BBX: variants seen among roughly 807,000 people sequenced by gnomAD.
The protein encoded by BBX is BBX high mobility group box domain containing, also known as HMG box transcription factor BBX.
In BBX, 30 loss-of-function variants were observed where a neutral mutation model predicts 100.2. That is an observed-to-expected ratio of 0.30 (90% CI 0.22 to 0.41). The LOEUF is 0.41. Among genes scored for constraint, BBX ranks in the 10% least tolerant of loss-of-function variants. BBX has a pLI of 1.00. For missense variants in BBX, 1,023 were observed against 1,129.8 expected (o/e 0.91, Z 1.35); for synonymous variants, 376 against 388.1 (o/e 0.97, Z 0.37).
In BBX at chr3:107,742,082, A is replaced by G. The variant is rs1337364140; in HGVS notation, c.670-2548A>G. ...TTTCTGCCTTCTTAATAAATGATAT[A>G]TTTTACAATTTTTCTTACGTTGACA... On this transcript the variant is annotated intron_variant, in intron 7 of 17. Transcript: ENST00000325805. Among the ~76,000 whole-genome samples, 5 of 152,170 alleles carry G rather than the reference A, an allele frequency of 3.3e-5. No individual in the cohort carries two copies. In the South Asian group the frequency reaches 8.3e-4, roughly 25 times the overall value.
At chr3:107,700,659 A>G (rs982282706) in intron 3 of BBX, among the ~76,000 whole-genome samples, 82 of 132,792 alleles carry the variant, frequency 6.2e-4, no homozygotes, top group Non-Finnish European at 2.7e-4. Context: ...TCATTGTTCA[A>G]TTCCCACCTA....
At chr3:107,579,511 A>G (rs2052093269) in intron 2 of BBX, among the ~76,000 whole-genome samples, 1 of 152,196 alleles carries the variant, frequency 6.6e-6, no homozygotes, top group African/African-American at 2.4e-5. Flanking sequence ...GAAGGGTCTA[A>G]TCTGTCTCCT....
At chr3:107,765,532 A>T (rs2066319833) in intron 10 of BBX, among the ~76,000 whole-genome samples, 1 of 151,896 alleles carries the variant, frequency 6.6e-6, no homozygotes, top group South Asian at 2.1e-4. Context: ...CACTGGTCTG[A>T]AACTCCTGTC....
intron 10 of BBX, among the ~76,000 whole-genome samples, chr3:107,772,417 G>T (rs772952038): frequency 6.6e-6 from 1 of 152,174 alleles, no homozygotes; most frequent in Non-Finnish European, 1.5e-5. Context: ...TCAGAGATAC[G>T]TTTGACGAGT....
chr3:107,591,281 C>T lies in BBX; in HGVS notation c.-83-54555C>T, dbSNP rs2053287319. 3.3e-5 allele frequency among the ~76,000 whole-genome samples: 5 copies of T among 152,034 alleles called. No homozygotes were observed. In the South Asian group the frequency reaches 1.0e-3, roughly 32 times the overall value. ...AAACTTAGATAAGTTTTCCAATAAG[C>T]TCCTTAACATTCTTCATTTTTCATA... is the stretch of plus-strand genomic sequence containing the variant. On this transcript the variant is annotated intron_variant, in intron 2 of 17. Transcript: ENST00000325805.
chr3:107,767,196 A>G lies in BBX; in HGVS notation c.907-5432A>G, dbSNP rs189389972. ...GCATATGTATCCCATAACTTAAAGT[A>G]TAAAATACATATGTATTTCCTTTCC... On this transcript the variant is annotated intron_variant, in intron 10 of 17. Transcript: ENST00000325805. 5.3e-4 allele frequency among the ~76,000 whole-genome samples: 80 copies of G among 152,350 alleles called. 2 individuals carry two copies. The highest frequency in any genetic ancestry group is 1.9e-3 in the African/African-American group (79 of 41,582).
chr3:107,728,842 A>C lies in BBX; in HGVS notation c.483A>C (p.Thr161=). 1 of 1,613,872 alleles carries C rather than the reference A, an allele frequency of 6.2e-7. No individual in the cohort carries two copies. Among genetic ancestry groups the C allele is most frequent in the African/African-American group, 1.3e-5 (1 of 75,004 alleles). The change falls in exon 6 of 18, where the codon ACA becomes ACC. Residue 161 remains threonine, a synonymous_variant. Coordinates refer to ENST00000325805, the MANE Select transcript of BBX (RefSeq NM_001142568.3). ...CAAACAAGCCTGTGAAATCCCCAAC[A>C]CCCACTGTCAATCCACGAAAGAAAC... ...PTTNKPVKSP[T]PTVNPRKKLW... is the part of the protein sequence containing the mutation.
intron 3 of BBX, among the ~76,000 whole-genome samples, chr3:107,696,470 T>C (rs1185084784): frequency 2.6e-5 from 4 of 151,028 alleles, no homozygotes; most frequent in East Asian, 3.9e-4. Flanking sequence ...TTAGTTTGGC[T>C]GGATATGAAA....
intron 2 of BBX, among the ~76,000 whole-genome samples, chr3:107,628,804 T>C (rs1308048973): frequency 2.0e-5 from 3 of 152,164 alleles, no homozygotes; most frequent in Non-Finnish European, 4.4e-5. Flanking sequence ...CTTCACAGCT[T>C]GTTTTTCTTT....
intron 3 of BBX, among the ~76,000 whole-genome samples, chr3:107,694,989 G>A (rs577510001): frequency 6.6e-6 from 1 of 151,504 alleles, no homozygotes; most frequent in African/African-American, 2.4e-5. Context: ...GTGTAGAGGT[G>A]TTTGTAGTAT....
At chr3:107,780,109 A>G (rs1281063940) in intron 13 of BBX, among the ~76,000 whole-genome samples, 4 of 152,144 alleles carry the variant, frequency 2.6e-5, no homozygotes, top group African/African-American at 9.7e-5. Flanking sequence ...ATGGATTGCC[A>G]AATGAAATGA....
At chr3:107,571,632 A>G (rs1404633934) in intron 2 of BBX, among the ~76,000 whole-genome samples, 1 of 152,302 alleles carries the variant, frequency 6.6e-6, no homozygotes, top group Non-Finnish European at 1.5e-5. Context: ...TCATAGGTGG[A>G]TCTCCCCACA....
chr3:107,720,098 G>A (rs1041719524), intron 5 of BBX, among the ~76,000 whole-genome samples: 1 of 151,978 alleles, frequency 6.6e-6, no homozygotes, highest in Non-Finnish European at 1.5e-5. Context: ...TATAAAGTAA[G>A]CACCAACCTG....
chr3:107,555,497 G>A (rs1309009588), intron 2 of BBX, among the ~76,000 whole-genome samples: 5 of 152,152 alleles, frequency 3.3e-5, no homozygotes. Flanking sequence ...TCACTGTTAT[G>A]ATCATGAAGA....
intron 2 of BBX, among the ~76,000 whole-genome samples, chr3:107,571,460 G>C (rs1451524696): frequency 1.3e-5 from 2 of 152,106 alleles, no homozygotes; most frequent in Non-Finnish European, 2.9e-5. Context: ...CTCTACTAGA[G>C]GGGAGAAAGA....
chr3:107,597,530 GGA>G (rs1472187989), intron 2 of BBX, among the ~76,000 whole-genome samples: 1 of 151,964 alleles, frequency 6.6e-6, no homozygotes, highest in African/African-American at 2.4e-5. Flanking sequence ...ATATTATTGG[GGA>G]AAGAGTTCAG....
chr3:107,686,649 T>C (rs541106451), intron 3 of BBX, among the ~76,000 whole-genome samples: 9 of 152,280 alleles, frequency 5.9e-5, no homozygotes, highest in African/African-American at 2.2e-4. Context: ...GATTTTTTCA[T>C]CATGGAGGAG....
intron 3 of BBX, among the ~76,000 whole-genome samples, chr3:107,696,955 C>G (rs1435225766): frequency 6.6e-6 from 1 of 151,788 alleles, no homozygotes; most frequent in Admixed American, 6.6e-5. Flanking sequence ...ATTTCATCTT[C>G]CATCACTGAT....
At chr3:107,639,684 G>C (rs2057075124) in intron 2 of BBX, among the ~76,000 whole-genome samples, 1 of 152,090 alleles carries the variant, frequency 6.6e-6, no homozygotes, top group Non-Finnish European at 1.5e-5. Context: ...TATGGAAACT[G>C]TAGACATTCA....
Sources: gnomAD v4.1 joint callset for allele counts (sites outside exome capture counted in the v4.1 genomes callset) on GRCh38, gnomAD v4.1.1 for gene constraint, MANE v1.5 for transcripts, NCBI Gene and HGNC (gene_info 2026-07-23, HGNC 2026-07-21) for gene names.